Variants in FILIP1L observed in about 807,000 individuals in gnomAD.
The protein encoded by FILIP1L is filamin A-interacting protein 1-like.
A neutral mutation model predicts 96.6 loss-of-function variants in FILIP1L; 55 were observed. The observed-to-expected ratio is 0.57, with a 90% CI of 0.46 to 0.71. FILIP1L has a LOEUF of 0.71. Among genes scored for constraint, FILIP1L ranks in the 30% least tolerant of loss-of-function variants. The pLI, the probability that FILIP1L is intolerant of heterozygous loss-of-function variation, is 0.00. For missense variants in FILIP1L, 1,304 were observed against 1,321.2 expected (o/e 0.99, Z 0.20); for synonymous variants, 467 against 473.9 (o/e 0.99, Z 0.19).
intron 1 of FILIP1L, chr3:100,075,444 A>C (rs1434129784): frequency 6.6e-6 from 1 of 152,184 alleles, no homozygotes; most frequent in African/African-American, 2.4e-5. Context: ...GGAAGACCAT[A>C]ATTTGTTCTT....
chr3:100,008,533 T>C (rs185531895), intron 1 of FILIP1L, among the ~76,000 whole-genome samples: 6 of 152,272 alleles, frequency 3.9e-5, no homozygotes, highest in Admixed American at 3.9e-4. Context: ...GATGTCAAGA[T>C]GGAAATCTAC....
At chr3:99,873,120 ATGT>A (rs1221494274) in intron 4 of FILIP1L, among the ~76,000 whole-genome samples, 2 of 152,136 alleles carry the variant, frequency 1.3e-5, no homozygotes, top group Non-Finnish European at 2.9e-5. Context: ...TGGCTAGAAA[ATGT>A]TGTGGTGATG....
chr3:99,968,812 G>T (rs973925316), intron 1 of FILIP1L, among the ~76,000 whole-genome samples: 4 of 152,170 alleles, frequency 2.6e-5, no homozygotes, highest in Non-Finnish European at 5.9e-5. Flanking sequence ...CAGTCCAGTG[G>T]CCAGGGCAGA....
Position 99,956,784 on chromosome 3 carries a change from A to G in FILIP1L, c.-10-25754T>C, listed in dbSNP as rs1032584924. 2.0e-5 allele frequency among the ~76,000 whole-genome samples: 3 copies of G among 152,198 alleles called. No homozygotes were observed. In the East Asian group the frequency reaches 5.8e-4, roughly 29 times the overall value. ...ACTTTATAACACGCCCAGTGGTCCC[A>G]CTTTCTAATAAAATCTCCCTTTCCC... On this transcript the variant is annotated intron_variant, in intron 1 of 5. Coordinates refer to ENST00000477258, the MANE Select transcript of FILIP1L (RefSeq NM_001387850.1).
chr3:100,100,447 TA>T (rs1483397338), intron 1 of FILIP1L, among the ~76,000 whole-genome samples: 2 of 152,152 alleles, frequency 1.3e-5, no homozygotes, highest in Admixed American at 1.3e-4. Flanking sequence ...GATTAGGTCA[TA>T]AGGCACAGTG....
intron 1 of FILIP1L, among the ~76,000 whole-genome samples, chr3:100,110,715 A>G (rs1005890128): frequency 5.9e-5 from 9 of 152,136 alleles, no homozygotes; most frequent in African/African-American, 2.2e-4. Context: ...ATAGCTCTCC[A>G]TTACCTGTGC....
intron 1 of FILIP1L, among the ~76,000 whole-genome samples, chr3:99,988,541 G>GAAAAA (rs1052028825): frequency 6.9e-6 from 1 of 145,656 alleles, no homozygotes; most frequent in African/African-American, 2.5e-5. Flanking sequence ...GAAAGAAAAG[G>GAAAAA]AAAAAAAAAG....
intron 1 of FILIP1L, among the ~76,000 whole-genome samples, chr3:100,064,393 A>G (rs1395541473): frequency 6.8e-6 from 1 of 146,174 alleles, no homozygotes; most frequent in East Asian, 2.0e-4. Flanking sequence ...GACCCCCCCA[A>G]CACCCTTTTT....
chr3:99,936,236 A>G (rs1707662613), intron 1 of FILIP1L, among the ~76,000 whole-genome samples: 3 of 152,160 alleles, frequency 2.0e-5, no homozygotes, highest in African/African-American at 7.2e-5. Flanking sequence ...AACTACTCCA[A>G]TTTAGAGAAA....
chr3:100,051,757 G>C (rs925714018), intron 1 of FILIP1L, among the ~76,000 whole-genome samples: 1 of 151,338 alleles, frequency 6.6e-6, no homozygotes, highest in African/African-American at 2.4e-5. Flanking sequence ...GTCGATCATT[G>C]TTGGACATTT....
At chr3:99,869,753 T>G (rs1309961923) in intron 4 of FILIP1L, among the ~76,000 whole-genome samples, 1 of 152,240 alleles carries the variant, frequency 6.6e-6, no homozygotes, top group Non-Finnish European at 1.5e-5. Flanking sequence ...CAGAGATTTG[T>G]TTTTGTTTTG....
chr3:99,925,650 A>G (rs1707269005), intron 3 of FILIP1L, among the ~76,000 whole-genome samples: 1 of 152,214 alleles, frequency 6.6e-6, no homozygotes, highest in Admixed American at 6.5e-5. Context: ...AGGGGCTTAT[A>G]CGTGGATGCT....
intron 4 of FILIP1L, among the ~76,000 whole-genome samples, chr3:99,920,590 C>G (rs527380012): frequency 6.6e-6 from 1 of 152,184 alleles, no homozygotes; most frequent in African/African-American, 2.4e-5. Flanking sequence ...CAGACCAAAC[C>G]GCACAGATTA....
chr3:99,896,870 A>G (rs1275077396), intron 4 of FILIP1L, among the ~76,000 whole-genome samples: 1 of 152,196 alleles, frequency 6.6e-6, no homozygotes, highest in Non-Finnish European at 1.5e-5. Context: ...AATTTTCATA[A>G]CAAATCAGTG....
At chr3:100,029,772 G>A (rs1172789536) in intron 1 of FILIP1L, among the ~76,000 whole-genome samples, 2 of 152,074 alleles carry the variant, frequency 1.3e-5, no homozygotes, top group Non-Finnish European at 2.9e-5. Context: ...CTACTAAGAG[G>A]GCTTTTGTAG....
At chr3:99,866,849 T>C (rs1297458007) in intron 4 of FILIP1L, among the ~76,000 whole-genome samples, 3 of 152,236 alleles carry the variant, frequency 2.0e-5, no homozygotes, top group Admixed American at 6.5e-5. Flanking sequence ...TGTAATCTGC[T>C]GGAACATGAA....
At chr3:99,903,043 C>G (rs1706488512) in intron 4 of FILIP1L, among the ~76,000 whole-genome samples, 1 of 152,190 alleles carries the variant, frequency 6.6e-6, no homozygotes, top group East Asian at 1.9e-4. Context: ...GGTTTAATTC[C>G]TTTCCTGCCC....
intron 1 of FILIP1L, among the ~76,000 whole-genome samples, chr3:99,947,499 C>T (rs1321916263): frequency 6.6e-6 from 1 of 152,164 alleles, no homozygotes; most frequent in Non-Finnish European, 1.5e-5. Flanking sequence ...CCCTATGGAT[C>T]CAGAAGGGAC....
chr3:100,013,535 C>T (rs534645400), intron 1 of FILIP1L, among the ~76,000 whole-genome samples: 42 of 152,274 alleles, frequency 2.8e-4, no homozygotes, highest in African/African-American at 1.0e-3. Flanking sequence ...TGAGCCACCA[C>T]ACTCGGCTGG....
Sources: allele counts gnomAD v4.1 joint callset (sites outside exome capture counted in the v4.1 genomes callset), GRCh38; gene constraint gnomAD v4.1.1; transcripts MANE v1.5; gene names NCBI Gene and HGNC (gene_info 2026-07-23, HGNC 2026-07-21).